The following MKKS variants were observed in gnomAD, a reference collection of about 807,000 sequenced individuals.
MKKS encodes the protein molecular chaperone MKKS.
A neutral mutation model predicts 33.2 loss-of-function variants in MKKS; 29 were observed. The observed-to-expected ratio is 0.87, with a 90% confidence interval of 0.65 to 1.19. The LOEUF (loss-of-function observed/expected upper bound fraction) is 1.19. MKKS is among the 50% of genes most tolerant of loss of function. The pLI is 0.00. For missense variants in MKKS, 661 were observed against 662.3 expected, an observed-to-expected ratio of 1.00 and a Z score of 0.02; for synonymous variants, 260 against 244.0, an observed-to-expected ratio of 1.07 and a Z score of -0.61.
At chr20:10,407,847 A>T in intron 4 of MKKS, 121 bp from the exon 5 acceptor site, 1 of 788,918 alleles carries the variant, frequency 1.3e-6, no homozygotes, top group Non-Finnish European at 2.2e-6. Context: ...AAAGAACAAA[A>T]CTTGTGTGGT....
chr20:10,414,022 C>T (rs1397994783), intron 2 of MKKS, 91 bp from the exon 3 acceptor site: 6 of 388,076 alleles, frequency 1.5e-5, no homozygotes, highest in African/African-American at 1.2e-4. Flanking sequence ...GCTCTGCTGC[C>T]TTTTTAGAAA....
At position 10,402,341 on chromosome 20, in the gene MKKS, TTTTCA is replaced by T. The variant is rs1458884397; in HGVS notation, c.*2901_*2905del. 1 of 152,218 alleles carries T rather than the reference TTTTCA, an allele frequency of 6.6e-6. No homozygotes were observed. Among genetic ancestry groups the T allele is most frequent in the Non-Finnish European group, 1.5e-5 (1 of 68,034 alleles). The allele number at this position is 152,218 out of a possible 1,614,324, so 9.4% of individuals were successfully genotyped here. A position where few individuals can be genotyped will look rare whatever the true frequency, so the allele number is the denominator to read the frequency against. On this transcript the variant is annotated 3_prime_UTR_variant, in exon 6 of 6. Coordinates refer to ENST00000347364, the MANE Select transcript of MKKS (RefSeq NM_170784.3). ...CCTCTAAAATTATTTTCATCAAGAA[TTTTCA>T]TTTCATGTTTTATCATCTAAGTTTG...
chr20:10,407,991 G>A (rs1320474250), intron 4 of MKKS, among the ~76,000 whole-genome samples: 3 of 152,144 alleles, frequency 2.0e-5, no homozygotes, highest in Non-Finnish European at 4.4e-5. Context: ...TCTTCAAACT[G>A]AGACGAATAT....
chr20:10,432,595 C>G (rs1296645730), intron 1 of MKKS, among the ~76,000 whole-genome samples: 1 of 152,030 alleles, frequency 6.6e-6, no homozygotes, highest in Non-Finnish European at 1.5e-5. Context: ...GAGTTCAAGA[C>G]CAGCCTGGCC....
intron 1 of MKKS, among the ~76,000 whole-genome samples, chr20:10,422,288 C>T (rs2064985998): frequency 6.6e-6 from 1 of 151,924 alleles, no homozygotes; most frequent in Non-Finnish European, 1.5e-5. Context: ...ATTTTATGGC[C>T]TTTTCCTTTT....
chr20:10,428,757 T>C lies in MKKS; in HGVS notation c.-649+5351A>G, dbSNP rs1366764768. On this transcript the variant is annotated intron_variant, in intron 1 of 5. Coordinates refer to ENST00000347364, the MANE Select transcript of MKKS (RefSeq NM_170784.3). ...GGGAGGCTGAAACAGGAGAATCGCT[T>C]GAATCCAGGAGGCAGAGGTTACATT... 2.0e-5 allele frequency among the ~76,000 whole-genome samples: 3 copies of C among 152,182 alleles called. No homozygotes were observed. In the East Asian group the frequency reaches 5.8e-4, roughly 29 times the overall value.
At position 10,407,691 on chromosome 20, in the gene MKKS, T is replaced by C; in HGVS notation, c.1197A>G (p.Leu399=). Reference sequence around the variant, plus strand: ...ACAAAGCCCATGGTTCCTTGAGTGTTAACTGCAGGACATGCAGTGCCGTCT... The same window carrying C: ...ACAAAGCCCATGGTTCCTTGAGTGTCAACTGCAGGACATGCAGTGCCGTCT... The part of the protein sequence containing the change: ...TCQTALHVLQ[L]TLKEPWALLG... The change falls in exon 5 of 6, where the codon TTA becomes TTG. Residue 399 remains leucine, a synonymous_variant. Coordinates refer to ENST00000347364, the MANE Select transcript of MKKS (RefSeq NM_170784.3). 6.2e-7 allele frequency: 1 copy of C among 1,614,022 alleles called. No individual in the cohort carries two copies. The highest frequency in any genetic ancestry group is 8.5e-7 in the Non-Finnish European group (1 of 1,179,924).
At chr20:10,420,948 A>G (rs1600854985) in intron 1 of MKKS, among the ~76,000 whole-genome samples, 190 bp from the exon 2 acceptor site, 1 of 152,346 alleles carries the variant, frequency 6.6e-6, no homozygotes, top group South Asian at 2.1e-4. Flanking sequence ...GGGAGCAGGC[A>G]GTCAGCCTTG....
At chr20:10,413,985 GA>G (rs1313211626) in intron 2 of MKKS, 54 bp from the exon 3 acceptor site, 2 of 399,308 alleles carry the variant, frequency 5.0e-6, no homozygotes, top group Non-Finnish European at 8.8e-6. Context: ...GCAGTTTGTA[GA>G]CTGCAGTTTA....
At position 10,401,153 on chromosome 20, in the gene MKKS, A is replaced by G. The variant is rs2064810064; in HGVS notation, c.*4094T>C. On this transcript the variant is annotated 3_prime_UTR_variant, in exon 6 of 6. Transcript: ENST00000347364. ...ATTCTATGGATTTTAGTGCGCCAAG[A>G]CTAATCGTCTCTCCAACAAACAGCT... is the stretch of plus-strand genomic sequence containing the variant. 1.3e-5 allele frequency: 2 copies of G among 152,184 alleles called. No individual in the cohort carries two copies. The highest frequency in any genetic ancestry group is 4.8e-5 in the African/African-American group (2 of 41,436). 9.4% of individuals were successfully genotyped at this position (152,184 alleles called of 1,614,324 possible). A position where few individuals can be genotyped will look rare whatever the true frequency, so the allele number is the denominator to read the frequency against.
chr20:10,412,549 T>A lies in MKKS; in HGVS notation c.966A>T (p.Glu322Asp). 1 of 1,613,948 alleles carries A rather than the reference T, an allele frequency of 6.2e-7. No homozygotes were observed. The highest frequency in any genetic ancestry group is 1.1e-5 in the South Asian group (1 of 91,076). ...AIDRIGVTLM[E>D]PLTKMTGTQP... ...TTTTACCTGTCATTTTAGTCAGGGG[T>A]TCCATCAGAGTCACTCCAATTCTGT... is the stretch of plus-strand genomic sequence containing the variant. Residue 322 changes from glutamate to aspartate, a missense_variant, in exon 3 of 6, where the codon GAA becomes GAT. Glu to Asp is a conservative substitution (Grantham distance 45). Coordinates refer to ENST00000347364, the MANE Select transcript of MKKS (RefSeq NM_170784.3).
intron 2 of MKKS, among the ~76,000 whole-genome samples, chr20:10,414,764 T>C (rs185268369): frequency 6.6e-6 from 1 of 152,280 alleles, no homozygotes; most frequent in East Asian, 1.9e-4. Flanking sequence ...CACTAATGTA[T>C]AGTCTATATT....
chr20:10,410,929 A>G (rs2064880135), intron 3 of MKKS, among the ~76,000 whole-genome samples: 1 of 151,762 alleles, frequency 6.6e-6, no homozygotes, highest in African/African-American at 2.4e-5. Context: ...GTTTAGGTAT[A>G]TATTATGGGC....
Position 10,416,822 on chromosome 20 carries a change from C to G in MKKS, c.-417-2891G>C, listed in dbSNP as rs1049745279. 2.6e-5 allele frequency among the ~76,000 whole-genome samples: 4 copies of G among 152,122 alleles called. No individual in the cohort carries two copies. The South Asian group carries it at 8.3e-4, about 32-fold the overall frequency. On this transcript the variant is annotated intron_variant, in intron 2 of 5. Transcript: ENST00000347364. ...CCTATGGACCATATCCAGACTGCTG[C>G]CTGTTTTTGTAAATGAAGTTTTATT...
Position 10,412,784 on chromosome 20 carries a change from AAG to A in MKKS, c.729_730del (p.Phe244LeufsTer10). On this transcript the variant is annotated frameshift_variant, in exon 3 of 6. Transcript: ENST00000347364. LOFTEE classifies it high-confidence loss of function. The stretch of plus-strand genomic sequence containing the variant: ...AGTGTCTCCGGATAAAGTTGTACAA[AAG>A]AGTGCCACCTTGAGGGCAGTTGATT... The A allele has an allele frequency of 6.2e-7, 1 of 1,614,212 alleles. No individual in the cohort carries two copies. The highest frequency in any genetic ancestry group is 8.5e-7 in the Non-Finnish European group (1 of 1,180,034).
rs1600841673 is a variant in MKKS, at chr20:10,403,607, C to G, written c.*1640G>C. On this transcript the variant is annotated 3_prime_UTR_variant, in exon 6 of 6. Transcript: ENST00000347364. Reference sequence around the variant, plus strand: ...CTAGAGAAAAGTTATCTGCCTTCTACTCACAGCATAAAATTATGGATAAGG... The same window carrying G: ...CTAGAGAAAAGTTATCTGCCTTCTAGTCACAGCATAAAATTATGGATAAGG... The G allele has an allele frequency of 6.6e-6, 1 of 152,168 alleles. No individual in the cohort carries two copies. The highest frequency in any genetic ancestry group is 1.5e-5 in the Non-Finnish European group (1 of 68,036). The allele number at this position is 152,168 out of a possible 1,614,324, so 9.4% of individuals were successfully genotyped here.
intron 3 of MKKS, among the ~76,000 whole-genome samples, chr20:10,409,153 A>G (rs1435971168): frequency 2.6e-5 from 4 of 152,260 alleles, no homozygotes; most frequent in East Asian, 1.9e-4. Context: ...AGAGACCCCA[A>G]ATTAAGAACT....
chr20:10,401,009 T>C lies in MKKS; in HGVS notation c.*4238A>G, dbSNP rs1277024441. On this transcript the variant is annotated 3_prime_UTR_variant, in exon 6 of 6. Coordinates refer to ENST00000347364, the MANE Select transcript of MKKS (RefSeq NM_170784.3). ...TCAAACCACAATACTAGAAACAAAA[T>C]CAAGATGGCTAAAATAAGATGTTTA... is the stretch of plus-strand genomic sequence containing the variant. 6.6e-6 allele frequency: 1 copy of C among 151,832 alleles called. No individual in the cohort carries two copies. Among genetic ancestry groups the C allele is most frequent in the Non-Finnish European group, 1.5e-5 (1 of 67,974 alleles). 9.4% of individuals were successfully genotyped at this position (151,832 alleles called of 1,614,324 possible). A position where few individuals can be genotyped will look rare whatever the true frequency, so the allele number is the denominator to read the frequency against.
chr20:10,412,640 A>G lies in MKKS; in HGVS notation c.875T>C (p.Leu292Pro). 2 of 1,614,196 alleles carry G rather than the reference A, an allele frequency of 1.2e-6. No individual in the cohort carries two copies. The highest frequency in any genetic ancestry group is 8.5e-7 in the Non-Finnish European group (1 of 1,180,032). ...AGATGGATGTATAACTTTTTGGCAC[A>G]GGACAAGATCTACGTGGTCACTGAT... ...QLISDHVDLV[L>P]CQKVIHPSLK... Residue 292 changes from leucine to proline, a missense_variant, in exon 3 of 6, where the codon CTG (leucine) becomes CCG (proline). Leu to Pro is a moderately conservative substitution (Grantham distance 98, BLOSUM62 -3). Transcript: ENST00000347364.
Sources: allele counts gnomAD v4.1 joint callset (sites outside exome capture counted in the v4.1 genomes callset), GRCh38; gene constraint gnomAD v4.1.1; transcripts MANE v1.5; gene names NCBI Gene and HGNC (gene_info 2026-07-23, HGNC 2026-07-21).